Variants in ZP3 observed in about 807,000 individuals in gnomAD.
The protein encoded by ZP3 is zona pellucida sperm-binding protein 3.
ZP3 carries 21 observed loss-of-function variants against 35.6 expected under a neutral mutation model. The ratio of observed to expected loss-of-function variants is 0.59; its 90% CI spans 0.42 to 0.85. The LOEUF (loss-of-function observed/expected upper bound fraction) is 0.85. Ranked by LOEUF, ZP3 falls within the 40% of genes least tolerant of loss-of-function variation. ZP3 has a pLI of 0.00. For missense variants in ZP3, 437 were observed against 536.5 expected, an observed-to-expected ratio of 0.81 and a Z score of 1.83; for synonymous variants, 207 against 214.5, an observed-to-expected ratio of 0.96 and a Z score of 0.31.
chr7:76,403,228 G>A (rs940317841), intron 1 of ZP3, among the ~76,000 whole-genome samples: 5 of 152,110 alleles, frequency 3.3e-5, no homozygotes, highest in African/African-American at 4.8e-5. Context: ...ATGGAAAGCC[G>A]GAAAATAATT....
At chr7:76,433,085 C>T in intron 3 of ZP3, 55 bp downstream of exon 3, 1 of 1,339,716 alleles carries the variant, frequency 7.5e-7, no homozygotes, top group South Asian at 1.3e-5. Context: ...CCATCTCAGA[C>T]CCCTGCCCTT....
chr7:76,431,933 C>T (rs982173787), intron 2 of ZP3, among the ~76,000 whole-genome samples: 2 of 151,808 alleles, frequency 1.3e-5, no homozygotes, highest in Non-Finnish European at 2.9e-5. Context: ...TAGCTGATTC[C>T]CCTCTCAAGC....
At chr7:76,397,826 C>T (rs1218512057) in intron 1 of ZP3, 1 of 1,573,154 alleles carries the variant, frequency 6.4e-7, no homozygotes, top group South Asian at 1.1e-5. Flanking sequence ...GCGTACGCTG[C>T]CCTCACCTGG....
chr7:76,428,189 G>A (rs1805725880), intron 1 of ZP3, among the ~76,000 whole-genome samples: 1 of 151,446 alleles, frequency 6.6e-6, no homozygotes, highest in African/African-American at 2.4e-5. Flanking sequence ...AAGGCACGGT[G>A]GCACGTGCCT....
intron 5 of ZP3, 199 bp from the exon 6 acceptor site, chr7:76,440,051 T>G: frequency 1.4e-6 from 1 of 713,672 alleles, no homozygotes; most frequent in Non-Finnish European, 2.3e-6. Context: ...TTCACCATGT[T>G]GGCCAGGTTG....
intron 5 of ZP3, among the ~76,000 whole-genome samples, chr7:76,437,664 T>G (rs1309201095): frequency 1.2e-5 from 1 of 80,414 alleles, no homozygotes; most frequent in Non-Finnish European, 3.1e-5. Context: ...TTTCTGTATT[T>G]TTTTTTTTTT....
At chr7:76,397,597 G>T in exon 1 of ZP3, 1 of 1,608,224 alleles carries the variant, frequency 6.2e-7, no homozygotes, top group South Asian at 1.1e-5. Context: ...CTGCCAGGCG[G>T]GGCTCGCCGC....
chr7:76,440,162 A>G, intron 5 of ZP3, 88 bp from the exon 6 acceptor site: 1 of 1,478,628 alleles, frequency 6.8e-7, no homozygotes. Flanking sequence ...TCACTCTTTA[A>G]AGGGTTGAGG....
intron 3 of ZP3, 49 bp downstream of exon 3, chr7:76,433,079 C>T (rs750057498): frequency 3.6e-6 from 5 of 1,390,968 alleles, no homozygotes; most frequent in South Asian, 2.5e-5. Flanking sequence ...CCTGGGCCAT[C>T]TCAGACCCCT....
At chr7:76,422,417 G>A (rs930684532), upstream of ZP3, among the ~76,000 whole-genome samples, 21 of 151,522 alleles carry the variant, frequency 1.4e-4, no homozygotes, top group South Asian at 2.9e-3. Flanking sequence ...GGTGGCTCAC[G>A]CCTATAATCC....
intron 1 of ZP3, among the ~76,000 whole-genome samples, chr7:76,416,821 T>TACATAC (rs1563692685): frequency 5.3e-5 from 7 of 133,260 alleles, no homozygotes; most frequent in Admixed American, 7.6e-5. Context: ...TCTCTCTATA[T>TACATAC]ATATATACAT....
chr7:76,429,155 A>C, intron 1 of ZP3: 1 of 272,748 alleles, frequency 3.7e-6, no homozygotes. Context: ...GTTACATGGT[A>C]TCTGCCATGT....
chr7:76,428,090 C>A (rs181085080), intron 1 of ZP3, among the ~76,000 whole-genome samples: 5 of 151,384 alleles, frequency 3.3e-5, no homozygotes, highest in Non-Finnish European at 7.4e-5. Flanking sequence ...CTTTGGGAGG[C>A]TGAGGCAGGT....
intron 1 of ZP3, among the ~76,000 whole-genome samples, chr7:76,405,849 C>T (rs1182712147): frequency 6.6e-6 from 1 of 152,114 alleles, no homozygotes; most frequent in Admixed American, 6.6e-5. Flanking sequence ...AGAGATTATC[C>T]TCCAGGGCTG....
chr7:76,407,970 G>T (rs550900976), intron 1 of ZP3, among the ~76,000 whole-genome samples: 5 of 152,316 alleles, frequency 3.3e-5, no homozygotes, highest in African/African-American at 1.2e-4. Context: ...AGGAAGGAGA[G>T]ATGCGAAGGA....
chr7:76,398,289 T>A (rs1440085739), intron 1 of ZP3, among the ~76,000 whole-genome samples: 1 of 150,766 alleles, frequency 6.6e-6, no homozygotes, highest in Non-Finnish European at 1.5e-5. Context: ...AGCTCCAGTC[T>A]CACCGCCCAT....
In ZP3 at chr7:76,433,994, C is replaced by T. The variant is rs1359958064; in HGVS notation, c.714-44C>T. 81 of 1,333,088 alleles carry T rather than the reference C, an allele frequency of 6.1e-5. 13 individuals are homozygous for T. The highest frequency in any genetic ancestry group is 1.1e-4 in the South Asian group (8 of 75,308). 82.6% of individuals were successfully genotyped at this position (1,333,088 alleles called of 1,614,324 possible). A position where few individuals can be genotyped will look rare whatever the true frequency, so the allele number is the denominator to read the frequency against. Reference sequence around the variant, plus strand: ...GATTATGGGCGTGAGCCACGGTGCCCGGCCCACCTGTCTGGCTTTAATACC... The same window carrying T: ...GATTATGGGCGTGAGCCACGGTGCCTGGCCCACCTGTCTGGCTTTAATACC... On this transcript the variant is annotated intron_variant, in intron 4 of 7. Transcript: ENST00000394857.
intron 1 of ZP3, among the ~76,000 whole-genome samples, chr7:76,399,090 C>T (rs907026933): frequency 1.3e-5 from 2 of 152,112 alleles, no homozygotes; most frequent in Non-Finnish European, 2.9e-5. Context: ...CAGCTTGCTG[C>T]AACCTCCGCC....
intron 1 of ZP3, among the ~76,000 whole-genome samples, chr7:76,411,277 C>T (rs930395222): frequency 6.6e-6 from 1 of 152,042 alleles, no homozygotes; most frequent in Non-Finnish European, 1.5e-5. Flanking sequence ...CCCATTAAAG[C>T]AAACAGTGGC....
Sources: allele counts gnomAD v4.1 joint callset (sites outside exome capture counted in the v4.1 genomes callset), GRCh38; gene constraint gnomAD v4.1.1; transcripts MANE v1.5; gene names NCBI Gene and HGNC (gene_info 2026-07-23, HGNC 2026-07-21).